Variants in ZMYM6 observed in about 807,000 individuals in gnomAD.
The protein encoded by ZMYM6 is zinc finger MYM-type containing 6, also known as zinc finger MYM-type protein 6.
ZMYM6 carries 90 observed loss-of-function variants against 134.0 expected under a neutral mutation model. That is an observed-to-expected ratio of 0.67 (90% CI 0.57 to 0.80). ZMYM6 has a LOEUF of 0.80. ZMYM6 is among the 30% of genes least tolerant of loss of function. The pLI, the probability that ZMYM6 is intolerant of heterozygous loss-of-function variation, is 0.00. For missense variants in ZMYM6, 1,362 were observed against 1,533.9 expected, an observed-to-expected ratio of 0.89 and a Z score of 1.87; for synonymous variants, 481 against 524.1, an observed-to-expected ratio of 0.92 and a Z score of 1.12.
intron 4 of ZMYM6, among the ~76,000 whole-genome samples, chr1:35,015,945 C>CTT (rs10715166): frequency 2.8e-4 from 38 of 134,118 alleles, no homozygotes; most frequent in Non-Finnish European, 5.1e-4. Context: ...TTTTTTCTTT[C>CTT]TTTTTTTTTT....
At chr1:35,017,881 G>C (rs1641233478) in intron 4 of ZMYM6, 1 of 151,996 alleles carries the variant, frequency 6.6e-6, no homozygotes, top group South Asian at 2.1e-4. Flanking sequence ...GTTGTGTTAT[G>C]TTCTTTAAAA....
In ZMYM6 at chr1:34,988,479, C is replaced by G; in HGVS notation, c.2603G>C (p.Ser868Thr). 6.4e-7 allele frequency: 1 copy of G among 1,551,104 alleles called. No homozygotes were observed. The highest frequency in any genetic ancestry group is 8.7e-7 in the Non-Finnish European group (1 of 1,146,744). Residue 868 changes from serine to threonine, a missense_variant, in exon 16 of 16, where the codon AGT becomes ACT. By Grantham distance (58) the Ser-to-Thr change is moderately conservative (BLOSUM62 1). Around this residue, in one of 3 missense-constraint regions of ZMYM6, gnomAD observed 824 missense variants for 940.9 expected, o/e 0.88. Coordinates refer to ENST00000357182, the MANE Select transcript of ZMYM6 (RefSeq NM_007167.4). ...AATAGTTTTCATTTTGTCTCCAGCA[C>G]TTGAACCCAAAACTTCTGAACACAT... ...VEMCSEVLGS[S>T]AGDKMKTIPL... is the part of the protein sequence containing the mutation.
chr1:34,989,377 T>C (rs1276235545), intron 15 of ZMYM6: 3 of 249,928 alleles, frequency 1.2e-5, no homozygotes, highest in Non-Finnish European at 1.7e-5. Flanking sequence ...ATCTCTACAT[T>C]AAAAAAAAAA....
chr1:35,005,965 A>G (rs529854346), intron 12 of ZMYM6, among the ~76,000 whole-genome samples: 16 of 152,358 alleles, frequency 1.1e-4, no homozygotes, highest in Middle Eastern at 3.4e-3. Flanking sequence ...AAGCTCTGTC[A>G]ATCAGGTAGC....
Position 35,027,898 on chromosome 1 carries a change from G to A in ZMYM6, c.93+2649C>T, listed in dbSNP as rs534366946. Among the ~76,000 whole-genome samples the A allele has an allele frequency of 3.9e-5, 6 of 152,280 alleles. No individual in the cohort carries two copies. The East Asian group carries it at 5.8e-4, about 15-fold the overall frequency. ...TGGAGGGAAAACAAGTAGCATGGAT[G>A]CCACCATCCCCCACTCCACATCTAA... On this transcript the variant is annotated intron_variant, in intron 2 of 15. Coordinates refer to ENST00000357182, the MANE Select transcript of ZMYM6 (RefSeq NM_007167.4).
chr1:35,019,685 C>G, intron 3 of ZMYM6, 83 bp from the exon 4 acceptor site: 1 of 1,441,620 alleles, frequency 6.9e-7, no homozygotes, highest in Non-Finnish European at 9.2e-7. Context: ...TCTCTTTTTT[C>G]TTTTTCTGAG....
rs748162228 is a variant in ZMYM6, at chr1:35,011,023, T to C, written c.1076A>G (p.Lys359Arg). Residue 359 changes from lysine (K) to arginine (R), a missense_variant, in exon 9 of 16, where the codon AAG (lysine) becomes AGG (arginine). This residue lies in a region of ZMYM6 where 503 missense variants were observed against 520.8 expected (regional missense o/e 0.97). Coordinates refer to ENST00000357182, the MANE Select transcript of ZMYM6 (RefSeq NM_007167.4). ...CVVAFQNVFSKPKGTNSSAVP... is the reference protein window; with the variant it reads ...CVVAFQNVFSRPKGTNSSAVP... ...CGCCGAAGAGTTTGTTCCTTTTGGCTTGCTAAATACATTCTGAATGAAAAC... is the reference window on the plus strand; with the variant it reads ...CGCCGAAGAGTTTGTTCCTTTTGGCCTGCTAAATACATTCTGAATGAAAAC... The C allele has an allele frequency of 3.7e-6, 6 of 1,613,466 alleles. No homozygotes were observed. The highest frequency in any genetic ancestry group is 5.1e-6 in the Non-Finnish European group (6 of 1,179,926).
chr1:35,016,942 C>T (rs1641212252), intron 4 of ZMYM6, among the ~76,000 whole-genome samples: 1 of 151,600 alleles, frequency 6.6e-6, no homozygotes, highest in African/African-American at 2.4e-5. Context: ...GAGGTAGAGG[C>T]TGCAGTGAGC....
At chr1:35,008,688 A>G (rs1641030144) in intron 11 of ZMYM6, 64 bp downstream of exon 11, 1 of 1,537,574 alleles carries the variant, frequency 6.5e-7, no homozygotes, top group South Asian at 1.3e-5. Flanking sequence ...ATTTGAATAC[A>G]TTTTAAATAA....
At chr1:34,995,148 TACAC>T (rs892026948) in intron 14 of ZMYM6, among the ~76,000 whole-genome samples, 3 of 145,606 alleles carry the variant, frequency 2.1e-5, no homozygotes, top group Non-Finnish European at 3.0e-5. Flanking sequence ...CACACACACA[TACAC>T]ACACACATAT....
intron 4 of ZMYM6, among the ~76,000 whole-genome samples, chr1:35,015,743 A>AAAAAAATATATATATAT: frequency 7.5e-5 from 8 of 106,458 alleles, no homozygotes; most frequent in African/African-American, 5.3e-4. Context: ...AAAAAAAAAA[A>AAAAAAATATATATATAT]ATATATATAT....
chr1:35,010,727 A>G (rs781150087), intron 9 of ZMYM6, 31 bp downstream of exon 9: 18 of 1,539,726 alleles, frequency 1.2e-5, no homozygotes, highest in Non-Finnish European at 1.5e-5. Flanking sequence ...GGATGAGTTT[A>G]TATACAATCC....
intron 10 of ZMYM6, 93 bp downstream of exon 10, chr1:35,010,354 A>G: frequency 6.8e-7 from 1 of 1,480,588 alleles, no homozygotes; most frequent in Non-Finnish European, 9.1e-7. Context: ...TTGTAAGACA[A>G]AAAGAATGTG....
At chr1:35,026,979 C>T (rs1205601096) in intron 2 of ZMYM6, among the ~76,000 whole-genome samples, 1 of 151,744 alleles carries the variant, frequency 6.6e-6, no homozygotes, top group Non-Finnish European at 1.5e-5. Flanking sequence ...CCTGTAGATA[C>T]CATAATAAAA....
chr1:35,020,952 C>G (rs922619298), intron 2 of ZMYM6, among the ~76,000 whole-genome samples: 2 of 151,998 alleles, frequency 1.3e-5, no homozygotes. Context: ...TTACACTAAT[C>G]TTTACAAAGA....
chr1:34,996,244 C>T (rs1640782361), intron 14 of ZMYM6, among the ~76,000 whole-genome samples: 1 of 151,876 alleles, frequency 6.6e-6, no homozygotes, highest in African/African-American at 2.4e-5. Context: ...AGAGTATTAC[C>T]ATTTTGTTAT....
intron 6 of ZMYM6, chr1:35,013,827 G>T (rs1375172329): frequency 1.7e-5 from 4 of 233,240 alleles, no homozygotes; most frequent in African/African-American, 9.3e-5. Flanking sequence ...GAGTAGCTGG[G>T]ATTACAGGCG....
rs146746705 is a variant in ZMYM6 at position 35,029,521 on chromosome 1, T to C, written c.93+1026A>G. Among the ~76,000 whole-genome samples the C allele has an allele frequency of 3.5e-3, 537 of 152,340 alleles. 7 individuals carry two copies. The highest frequency in any genetic ancestry group is 0.012 in the African/African-American group (487 of 41,582). ...TTAATAATGTCACATATGATTATGA[T>C]ATAATATATACTACATACTGATATA... On this transcript the variant is annotated intron_variant, in intron 2 of 15. Transcript: ENST00000357182.
intron 6 of ZMYM6, chr1:35,013,472 T>C (rs941755860): frequency 1.3e-5 from 13 of 984,500 alleles, no homozygotes; most frequent in Non-Finnish European, 1.6e-5. Flanking sequence ...AAATTAGAAA[T>C]GGAACTGATT....
Sources: gnomAD v4.1 joint callset for allele counts (sites outside exome capture counted in the v4.1 genomes callset) on GRCh38, gnomAD v4.1.1 for gene constraint, gnomAD v4.1.1 regional missense constraint, MANE v1.5 for transcripts, NCBI Gene and HGNC (gene_info 2026-07-23, HGNC 2026-07-21) for gene names.